TSPAN15: variants seen among roughly 807,000 people sequenced by gnomAD.
The protein encoded by TSPAN15 is tetraspanin-15.
In TSPAN15, 20 loss-of-function variants were observed where a neutral mutation model predicts 34.5. The observed-to-expected ratio is 0.58, with a 90% CI of 0.41 to 0.84. TSPAN15 has a LOEUF of 0.84. Ranked by LOEUF, TSPAN15 falls within the 40% of genes least tolerant of loss-of-function variation. The pLI is 0.00. For missense variants in TSPAN15, 313 were observed against 386.1 expected (o/e 0.81, Z 1.59); for synonymous variants, 155 against 153.9 (o/e 1.01, Z -0.05).
Position 69,479,235 on chromosome 10 carries a change from C to T in TSPAN15, c.97-4456C>T, listed in dbSNP as rs552191190. Among the ~76,000 whole-genome samples the T allele has an allele frequency of 1.5e-4, 23 of 152,320 alleles. No individual in the cohort carries two copies. In the South Asian group the frequency reaches 3.5e-3, roughly 23 times the overall value. ...TTTGCCCCAGCTGTGGTGAGCCAGCCGGCACGGGTGACCAGATGCTTCCTT... is the reference window on the plus strand; with the variant it reads ...TTTGCCCCAGCTGTGGTGAGCCAGCTGGCACGGGTGACCAGATGCTTCCTT... On this transcript the variant is annotated intron_variant, in intron 1 of 7. Coordinates refer to ENST00000373290, the MANE Select transcript of TSPAN15 (RefSeq NM_012339.5).
At chr10:69,482,895 C>G (rs554543605) in intron 1 of TSPAN15, among the ~76,000 whole-genome samples, 4 of 152,152 alleles carry the variant, frequency 2.6e-5, no homozygotes, top group Non-Finnish European at 5.9e-5. Context: ...GACTGAATGG[C>G]TTAAACAATA....
the TSPAN15 span, chr10:69,523,423 G>T: frequency 6.9e-6 from 4 of 575,578 alleles, 1 homozygote; most frequent in East Asian, 1.2e-4. Context: ...GAAGAATAAG[G>T]TCATTCCAGA....
chr10:69,474,214 G>C (rs1036052686), intron 1 of TSPAN15, among the ~76,000 whole-genome samples: 2 of 138,130 alleles, frequency 1.4e-5, no homozygotes, highest in African/African-American at 5.4e-5. Flanking sequence ...TCTCCCTTAT[G>C]GCGGCTTCTC....
At chr10:69,455,630 C>A (rs527763641) in intron 1 of TSPAN15, among the ~76,000 whole-genome samples, 2 of 114,908 alleles carry the variant, frequency 1.7e-5, no homozygotes, top group Non-Finnish European at 2.0e-5. Flanking sequence ...CTCTCTCCCC[C>A]CCCCGTCTCT....
the TSPAN15 span, among the ~76,000 whole-genome samples, chr10:69,548,936 G>C: frequency 6.9e-6 from 1 of 145,888 alleles, no homozygotes; most frequent in Non-Finnish European, 1.5e-5. Flanking sequence ...GGCTAACCTA[G>C]CTCTAGAGTG....
chr10:69,489,936 G>A (rs1391170806), intron 3 of TSPAN15, among the ~76,000 whole-genome samples: 2 of 152,208 alleles, frequency 1.3e-5, no homozygotes, highest in Non-Finnish European at 1.5e-5. Flanking sequence ...GCTTGTTCTG[G>A]GGCTTCTTGT....
chr10:69,481,291 G>C (rs1841729531), intron 1 of TSPAN15, among the ~76,000 whole-genome samples: 1 of 152,130 alleles, frequency 6.6e-6, no homozygotes, highest in African/African-American at 2.4e-5. Context: ...CCTGTGTGTT[G>C]GAAAGGCATC....
At chr10:69,529,806 C>G in the TSPAN15 span, among the ~76,000 whole-genome samples, 1 of 147,430 alleles carries the variant, frequency 6.8e-6, no homozygotes, top group Non-Finnish European at 1.5e-5. Flanking sequence ...ACAGTGTACA[C>G]TGTACCCAAT....
chr10:69,468,641 C>A (rs1841440076), intron 1 of TSPAN15, among the ~76,000 whole-genome samples: 1 of 151,788 alleles, frequency 6.6e-6, no homozygotes, highest in Admixed American at 6.6e-5. Flanking sequence ...TCTAAATACA[C>A]CACTTCTTTT....
At chr10:69,458,952 G>A (rs535877385) in intron 1 of TSPAN15, among the ~76,000 whole-genome samples, 1 of 152,130 alleles carries the variant, frequency 6.6e-6, no homozygotes, top group Admixed American at 6.5e-5. Context: ...TTTCTTCCCA[G>A]GTGACTCACA....
At chr10:69,481,326 C>T (rs1841730812) in intron 1 of TSPAN15, among the ~76,000 whole-genome samples, 1 of 152,118 alleles carries the variant, frequency 6.6e-6, no homozygotes, top group South Asian at 2.1e-4. Flanking sequence ...GGAAAGGTCT[C>T]ACTAATCCTG....
At chr10:69,463,868 A>G (rs966300229) in intron 1 of TSPAN15, among the ~76,000 whole-genome samples, 2 of 152,072 alleles carry the variant, frequency 1.3e-5, no homozygotes, top group African/African-American at 4.8e-5. Flanking sequence ...TGTGAATGTA[A>G]CCTTATTTGG....
intron 3 of TSPAN15, chr10:69,494,896 C>T: frequency 1.0e-6 from 1 of 980,912 alleles, no homozygotes; most frequent in Non-Finnish European, 1.2e-6. Context: ...GGTCTCAGCA[C>T]AACAGCCGGG....
rs745402890 is a variant in TSPAN15 at position 69,495,597 on chromosome 10, A to G, written c.361A>G (p.Ile121Val). The stretch of plus-strand genomic sequence containing the variant: ...TGTAATTTCTCCTTTTGAATAGACC[A>G]TTGACTTCCTGAACGACAACATTCG... ...VVALTFRNQT[I>V]DFLNDNIRRG... The change falls in exon 4 of 8, where the codon ATT becomes GTT. Residue 121 changes from isoleucine to valine, a missense_variant. Physicochemically the swap from Ile to Val is conservative, Grantham distance 29. Transcript: ENST00000373290. The G allele has an allele frequency of 1.9e-6, 3 of 1,611,632 alleles. No individual in the cohort carries two copies. Among genetic ancestry groups the G allele is most frequent in the East Asian group, 2.2e-5 (1 of 44,880 alleles).
chr10:69,506,087 G>A lies in TSPAN15; in HGVS notation c.619-37G>A, dbSNP rs41277230. The A allele has an allele frequency of 0.01, 16,177 of 1,588,052 alleles. 110 individuals carry two copies. The highest frequency in any genetic ancestry group is 0.012 in the Non-Finnish European group (14,443 of 1,158,374). ...GGGGCTGTGGCTCCTGCCAGCCGAGGTCCTCTGCTGGGCTGACCCAGCTCC... is the reference window on the plus strand; with the variant it reads ...GGGGCTGTGGCTCCTGCCAGCCGAGATCCTCTGCTGGGCTGACCCAGCTCC... On this transcript the variant is annotated intron_variant, in intron 6 of 7. Coordinates refer to ENST00000373290, the MANE Select transcript of TSPAN15 (RefSeq NM_012339.5). The surrounding 1 kb of genome is among the most constrained non-coding windows in gnomAD (Gnocchi z 4.7).
chr10:69,472,742 C>T (rs1434240563), intron 1 of TSPAN15, among the ~76,000 whole-genome samples: 2 of 152,180 alleles, frequency 1.3e-5, no homozygotes, highest in African/African-American at 2.4e-5. Flanking sequence ...GAGCGCCTGC[C>T]GGGTCCCAGG....
At chr10:69,508,953 C>T (rs1842387862), downstream of TSPAN15, among the ~76,000 whole-genome samples, 1 of 152,240 alleles carries the variant, frequency 6.6e-6, no homozygotes, top group Non-Finnish European at 1.5e-5. Flanking sequence ...ACTGTAGCCG[C>T]TGCTGCAGCC....
chr10:69,489,642 AG>A (rs1841927459), intron 3 of TSPAN15, among the ~76,000 whole-genome samples: 1 of 152,226 alleles, frequency 6.6e-6, no homozygotes, highest in African/African-American at 2.4e-5. Flanking sequence ...GGCCACAGCC[AG>A]GCATTGAAAG....
intron 1 of TSPAN15, among the ~76,000 whole-genome samples, chr10:69,473,588 C>T (rs552202858): frequency 6.6e-5 from 10 of 152,238 alleles, no homozygotes; most frequent in East Asian, 1.9e-4. Context: ...CATGGACTCC[C>T]GGAGCAGTAG....
Sources: gnomAD v4.1 joint callset for allele counts (sites outside exome capture counted in the v4.1 genomes callset) on GRCh38, gnomAD v4.1.1 for gene constraint, Gnocchi (gnomAD v3.1) non-coding constraint, MANE v1.5 for transcripts, NCBI Gene and HGNC (gene_info 2026-07-23, HGNC 2026-07-21) for gene names.